NAALADL2: variants seen among roughly 807,000 people sequenced by gnomAD.
NAALADL2 encodes the protein N-acetylated alpha-linked acidic dipeptidase like 2, also known as inactive N-acetylated-alpha-linked acidic dipeptidase-like protein 2.
Under a neutral mutation model 87.2 loss-of-function variants are expected in NAALADL2, and 76 were observed. The ratio of observed to expected loss-of-function variants is 0.87; its 90% CI spans 0.72 to 1.05. The LOEUF (loss-of-function observed/expected upper bound fraction) is 1.05, where lower values mean the gene tolerates loss of function less well. Ranked by LOEUF, NAALADL2 falls within the 50% of genes least tolerant of loss-of-function variation. The pLI is 0.00. For synonymous variants in NAALADL2, 354 were observed against 331.0 expected (o/e 1.07, Z -0.75); for missense variants, 1,089 against 945.8 (o/e 1.15, Z -1.99).
At chr3:174,709,818 A>G (rs1238739971) in intron 2 of NAALADL2, among the ~76,000 whole-genome samples, 1 of 152,218 alleles carries the variant, frequency 6.6e-6, no homozygotes, top group African/African-American at 2.4e-5. Flanking sequence ...AAATGTTAAG[A>G]TGGACTGGCT....
chr3:174,931,531 A>G (rs1276893256), intron 1 of NAALADL2, among the ~76,000 whole-genome samples: 1 of 152,198 alleles, frequency 6.6e-6, no homozygotes, highest in East Asian at 1.9e-4. Context: ...GTCATTAAAC[A>G]TATTCATTTG....
intron 9 of NAALADL2, among the ~76,000 whole-genome samples, chr3:175,546,232 C>T (rs1318476014): frequency 6.6e-6 from 1 of 151,960 alleles, no homozygotes; most frequent in African/African-American, 2.4e-5. Context: ...TTCTGTTTTC[C>T]ATTTTTTTGG....
rs143115808 is a variant in NAALADL2 at position 174,882,977 on chromosome 3, C to T, written c.43+23527C>T. On this transcript the variant is annotated intron_variant, in intron 1 of 13. Coordinates refer to ENST00000454872, the MANE Select transcript of NAALADL2 (RefSeq NM_207015.3). ...ATTAACTCACATGATCACAAGGTTTCGCAATAGCCCGTCTGTAGGCTAAGG... is the reference window on the plus strand; with the variant it reads ...ATTAACTCACATGATCACAAGGTTTTGCAATAGCCCGTCTGTAGGCTAAGG... 2.9e-3 allele frequency among the ~76,000 whole-genome samples: 446 copies of T among 151,676 alleles called. 9 individuals carry two copies. Among genetic ancestry groups the T allele is most frequent in the Admixed American group, 0.022 (337 of 15,200 alleles).
At chr3:174,801,192 T>G (rs966341052) in intron 3 of NAALADL2, among the ~76,000 whole-genome samples, 1 of 152,198 alleles carries the variant, frequency 6.6e-6, no homozygotes, top group African/African-American at 2.4e-5. Context: ...ATGGTTTGAC[T>G]GTGTCCCCAC....
At chr3:175,762,720 A>G (rs893061133) in intron 13 of NAALADL2, among the ~76,000 whole-genome samples, 2 of 152,132 alleles carry the variant, frequency 1.3e-5, no homozygotes, top group Non-Finnish European at 2.9e-5. Context: ...ATTGCTTGCC[A>G]ATCGAGGGGT....
chr3:175,661,849 G>A (rs1732302406), intron 11 of NAALADL2, among the ~76,000 whole-genome samples: 1 of 151,848 alleles, frequency 6.6e-6, no homozygotes, highest in South Asian at 2.1e-4. Context: ...CCATTGGTCT[G>A]TGGGTCCGTT....
chr3:174,998,299 C>T (rs184922039), intron 1 of NAALADL2, among the ~76,000 whole-genome samples: 44 of 152,292 alleles, frequency 2.9e-4, no homozygotes, highest in African/African-American at 9.6e-4. Context: ...ACTGGAAACT[C>T]ATATTCCCAT....
chr3:175,795,953 T>C (rs1316141778), intron 13 of NAALADL2, among the ~76,000 whole-genome samples: 1 of 151,974 alleles, frequency 6.6e-6, no homozygotes, highest in Non-Finnish European at 1.5e-5. Flanking sequence ...GAAGTTGTCT[T>C]GGGGCTAGCT....
intron 13 of NAALADL2, among the ~76,000 whole-genome samples, chr3:175,789,038 T>C (rs1223440353): frequency 6.6e-6 from 1 of 152,064 alleles, no homozygotes; most frequent in Non-Finnish European, 1.5e-5. Context: ...CCTTAACTTC[T>C]TTAGAGTTTC....
chr3:175,667,491 G>A (rs941950910), intron 11 of NAALADL2, among the ~76,000 whole-genome samples: 3 of 152,092 alleles, frequency 2.0e-5, no homozygotes, highest in Non-Finnish European at 4.4e-5. Flanking sequence ...GAAACCCCAT[G>A]ATGGAGTTGT....
rs980702008 is a variant in NAALADL2 at position 175,364,499 on chromosome 3, C to T, written c.1090+40174C>T. ...TTCGGGAGTGATATTACCAGTTATC[C>T]GCTGTTTTTTAAATTCTTGTTTAAA... On this transcript the variant is annotated intron_variant, in intron 5 of 13. Transcript: ENST00000454872. Among the ~76,000 whole-genome samples the T allele has an allele frequency of 1.2e-4, 18 of 147,406 alleles. 2 individuals carry two copies. Among genetic ancestry groups the T allele is most frequent in the Admixed American group, 2.1e-4 (3 of 14,390 alleles).
intron 5 of NAALADL2, among the ~76,000 whole-genome samples, chr3:175,415,614 A>G (rs1017644221): frequency 6.6e-6 from 1 of 152,138 alleles, no homozygotes; most frequent in Admixed American, 6.6e-5. Flanking sequence ...TCATACAGTA[A>G]TACTCAGCCT....
chr3:175,417,669 A>T (rs1714890727), intron 5 of NAALADL2, among the ~76,000 whole-genome samples: 1 of 152,142 alleles, frequency 6.6e-6, no homozygotes, highest in South Asian at 2.1e-4. Flanking sequence ...AGGAAGAGGA[A>T]ACATATGTAA....
intron 11 of NAALADL2, among the ~76,000 whole-genome samples, chr3:175,636,597 C>G (rs978208125): frequency 2.7e-5 from 4 of 150,286 alleles, no homozygotes; most frequent in African/African-American, 9.8e-5. Flanking sequence ...ACATGGGAAG[C>G]TGAGGCAGGA....
chr3:175,486,756 C>A (rs527756084), intron 9 of NAALADL2, among the ~76,000 whole-genome samples: 12 of 152,106 alleles, frequency 7.9e-5, no homozygotes, highest in African/African-American at 2.2e-4. Flanking sequence ...GTCTTCTGTG[C>A]GATATCAGGC....
intron 5 of NAALADL2, among the ~76,000 whole-genome samples, chr3:175,382,844 A>T (rs925657718): frequency 7.9e-5 from 12 of 152,088 alleles, no homozygotes; most frequent in African/African-American, 2.6e-4. Flanking sequence ...ATACTTTTTT[A>T]AAAAAATAAG....
At chr3:174,625,010 C>T in intron 2 of NAALADL2, among the ~76,000 whole-genome samples, 1 of 144,872 alleles carries the variant, frequency 6.9e-6, no homozygotes. Context: ...CTAGAATGAT[C>T]TAGATAATGT....
intron 2 of NAALADL2, among the ~76,000 whole-genome samples, chr3:174,569,587 G>T (rs1400704503): frequency 6.6e-6 from 1 of 151,990 alleles, no homozygotes. Context: ...TAATAACTTT[G>T]ATCAGGTGTT....
At chr3:174,524,192 CT>C (rs1560029884) in intron 1 of NAALADL2, among the ~76,000 whole-genome samples, 1 of 152,144 alleles carries the variant, frequency 6.6e-6, no homozygotes, top group Non-Finnish European at 1.5e-5. Flanking sequence ...GCCACTACCT[CT>C]TTATTTAATG....
Sources: gnomAD v4.1 joint callset for allele counts (sites outside exome capture counted in the v4.1 genomes callset) on GRCh38, gnomAD v4.1.1 for gene constraint, MANE v1.5 for transcripts, NCBI Gene and HGNC (gene_info 2026-07-23, HGNC 2026-07-21) for gene names.